Variants in GPC6 observed in about 807,000 individuals in gnomAD.
GPC6 encodes the protein glypican-6.
GPC6 carries 14 observed loss-of-function variants against 55.2 expected under a neutral mutation model. The observed-to-expected ratio is 0.25, with a 90% CI of 0.17 to 0.40. The LOEUF is 0.40. GPC6 is among the 10% of genes least tolerant of loss of function. The probability of loss-of-function intolerance (pLI) is 1.00; values close to 1 mark genes in which losing one functional copy is unlikely to be tolerated. For missense variants in GPC6, 641 were observed against 708.5 expected (o/e 0.90, Z 1.08); for synonymous variants, 278 against 259.6 (o/e 1.07, Z -0.68).
chr13:93,657,943 A>G (rs955410034), intron 2 of GPC6, among the ~76,000 whole-genome samples: 3 of 152,004 alleles, frequency 2.0e-5, no homozygotes, highest in African/African-American at 7.2e-5. Context: ...TTAAAATAAA[A>G]AAATAACAGA....
At chr13:93,952,828 T>TA (rs1879314726) in intron 3 of GPC6, among the ~76,000 whole-genome samples, 2 of 148,296 alleles carry the variant, frequency 1.3e-5, no homozygotes, top group Admixed American at 6.8e-5. Context: ...CACATATATA[T>TA]ACGTATATAT....
chr13:93,823,107 C>G (rs960422168), intron 2 of GPC6, among the ~76,000 whole-genome samples: 1 of 151,966 alleles, frequency 6.6e-6, no homozygotes, highest in Non-Finnish European at 1.5e-5. Flanking sequence ...TCATGATCCG[C>G]CTGCCATGGC....
chr13:93,896,200 G>C (rs1452032500), intron 3 of GPC6, among the ~76,000 whole-genome samples: 1 of 151,844 alleles, frequency 6.6e-6, no homozygotes, highest in East Asian at 1.9e-4. Flanking sequence ...AATTAACTAT[G>C]ATATGCTTTA....
rs142395076 is a variant in GPC6 at position 93,996,208 on chromosome 13, G to A, written c.712-31521G>A. Reference sequence around the variant, plus strand: ...ATTTCCTTTAAAAATTTTTGGAATAGTATAATGGTGATTGTGTAATTAAAA... The same window carrying A: ...ATTTCCTTTAAAAATTTTTGGAATAATATAATGGTGATTGTGTAATTAAAA... On this transcript the variant is annotated intron_variant, in intron 3 of 8. Coordinates refer to ENST00000377047, the MANE Select transcript of GPC6 (RefSeq NM_005708.5). Among the ~76,000 whole-genome samples the A allele has an allele frequency of 2.5e-3, 379 of 152,278 alleles. 1 individual carries two copies. The highest frequency in any genetic ancestry group is 8.8e-3 in the African/African-American group (364 of 41,566).
At chr13:94,116,109 G>A (rs1886421207) in intron 4 of GPC6, among the ~76,000 whole-genome samples, 1 of 152,054 alleles carries the variant, frequency 6.6e-6, no homozygotes, top group African/African-American at 2.4e-5. Flanking sequence ...TTATAATTTA[G>A]TAATTTAGTT....
intron 4 of GPC6, among the ~76,000 whole-genome samples, chr13:94,116,311 C>T (rs775829072): frequency 9.9e-5 from 15 of 151,828 alleles, no homozygotes; most frequent in African/African-American, 3.1e-4. Context: ...ATTGGTGTTA[C>T]GGTGGTGAAC....
chr13:94,296,110 C>T (rs1875319866), intron 5 of GPC6, among the ~76,000 whole-genome samples: 1 of 152,156 alleles, frequency 6.6e-6, no homozygotes, highest in Non-Finnish European at 1.5e-5. Flanking sequence ...GGGAAGCACA[C>T]CTTTTTTTAG....
intron 6 of GPC6, among the ~76,000 whole-genome samples, chr13:94,359,998 G>C (rs977568424): frequency 1.3e-5 from 2 of 152,188 alleles, no homozygotes; most frequent in African/African-American, 4.8e-5. Flanking sequence ...TCAAGGAGAG[G>C]ATTTCTAATG....
chr13:93,792,069 C>T (rs1886056483), intron 2 of GPC6, among the ~76,000 whole-genome samples: 1 of 152,114 alleles, frequency 6.6e-6, no homozygotes. Flanking sequence ...AAAATAATTC[C>T]TTTCATTCTT....
At chr13:93,679,745 C>T (rs1048241812) in intron 2 of GPC6, among the ~76,000 whole-genome samples, 1 of 151,588 alleles carries the variant, frequency 6.6e-6, no homozygotes, top group Admixed American at 6.6e-5. Context: ...AAGACCATTA[C>T]TAAAATGGAT....
intron 1 of GPC6, among the ~76,000 whole-genome samples, chr13:93,250,769 C>G (rs1167496227): frequency 6.6e-6 from 1 of 152,192 alleles, no homozygotes; most frequent in African/African-American, 2.4e-5. Flanking sequence ...GGCCCCACAT[C>G]CTGCTTCCCT....
intron 3 of GPC6, among the ~76,000 whole-genome samples, chr13:93,979,349 T>C (rs1244444928): frequency 1.3e-5 from 2 of 149,380 alleles, no homozygotes; most frequent in Non-Finnish European, 3.0e-5. Flanking sequence ...GTGTGTGTTT[T>C]TTTTAATTTT....
chr13:93,918,410 G>A (rs1191550245), intron 3 of GPC6, among the ~76,000 whole-genome samples: 1 of 151,984 alleles, frequency 6.6e-6, no homozygotes, highest in Non-Finnish European at 1.5e-5. Context: ...CAGTTTTAAA[G>A]CTCCTTCAGA....
intron 1 of GPC6, among the ~76,000 whole-genome samples, chr13:93,420,299 C>G (rs1459948671): frequency 2.0e-5 from 3 of 152,084 alleles, no homozygotes; most frequent in African/African-American, 7.2e-5. Flanking sequence ...TCTCTGATCC[C>G]AGTTTAATGA....
intron 2 of GPC6, among the ~76,000 whole-genome samples, chr13:93,562,801 C>T (rs928245492): frequency 1.3e-5 from 2 of 152,130 alleles, no homozygotes; most frequent in Non-Finnish European, 2.9e-5. Context: ...GTGTTATCCC[C>T]TTCAGCCATC....
At chr13:93,791,880 G>A (rs1305009475) in intron 2 of GPC6, among the ~76,000 whole-genome samples, 1 of 152,172 alleles carries the variant, frequency 6.6e-6, no homozygotes, top group Non-Finnish European at 1.5e-5. Context: ...GAATCTGTTA[G>A]CATCGCTGTC....
upstream of GPC6, among the ~76,000 whole-genome samples, chr13:93,221,924 C>A (rs1473752731): frequency 1.3e-5 from 2 of 152,148 alleles, no homozygotes; most frequent in Non-Finnish European, 2.9e-5. Flanking sequence ...CTAAAAAATA[C>A]TAAGAAAAAA....
chr13:93,884,541 C>A (rs1024631980), intron 3 of GPC6, among the ~76,000 whole-genome samples: 1 of 152,016 alleles, frequency 6.6e-6, no homozygotes, highest in Admixed American at 6.6e-5. Context: ...TAGATCCATT[C>A]CTTGAGGATT....
chr13:94,119,144 A>G (rs1367336409), intron 4 of GPC6, among the ~76,000 whole-genome samples: 1 of 152,070 alleles, frequency 6.6e-6, no homozygotes, highest in African/African-American at 2.4e-5. Flanking sequence ...TCATTTATTC[A>G]ATAATATTAC....
Sources: allele counts gnomAD v4.1 joint callset (sites outside exome capture counted in the v4.1 genomes callset), GRCh38; gene constraint gnomAD v4.1.1; transcripts MANE v1.5; gene names NCBI Gene and HGNC (gene_info 2026-07-23, HGNC 2026-07-21).